RAB38: variants seen among roughly 807,000 people sequenced by gnomAD.
The protein encoded by RAB38 is ras-related protein Rab-38.
A neutral mutation model predicts 18.4 loss-of-function variants in RAB38; 15 were observed. That is an observed-to-expected ratio of 0.82 (90% confidence interval 0.55 to 1.26). The LOEUF is 1.26. Among genes scored for constraint, RAB38 ranks in the 50% most tolerant of loss-of-function variants. The pLI is 0.00. For synonymous variants in RAB38, 101 were observed against 104.4 expected (o/e 0.97, Z 0.20); for missense variants, 294 against 267.4 (o/e 1.10, Z -0.69).
chr11:87,872,231 C>T, the RAB38 span, among the ~76,000 whole-genome samples: 5 of 151,464 alleles, frequency 3.3e-5, no homozygotes, highest in East Asian at 2.0e-4. Context: ...TACCCTTTTC[C>T]GTTTCCCATG....
chr11:87,821,304 A>G, the RAB38 span, among the ~76,000 whole-genome samples: 1 of 152,342 alleles, frequency 6.6e-6, no homozygotes, highest in African/African-American at 2.4e-5. Flanking sequence ...TGCTAGAATA[A>G]TATGTTCAAT....
At chr11:88,065,235 G>A in the RAB38 span, among the ~76,000 whole-genome samples, 1 of 152,142 alleles carries the variant, frequency 6.6e-6, no homozygotes, top group Non-Finnish European at 1.5e-5. Flanking sequence ...CCACAATAAC[G>A]AGCTTTGTAA....
chr11:88,072,249 G>T, the RAB38 span, among the ~76,000 whole-genome samples: 1 of 152,156 alleles, frequency 6.6e-6, no homozygotes, highest in East Asian at 1.9e-4. Context: ...AATAATAAAC[G>T]CAATACCAAG....
At chr11:88,043,966 T>A in the RAB38 span, among the ~76,000 whole-genome samples, 1 of 152,192 alleles carries the variant, frequency 6.6e-6, no homozygotes, top group Non-Finnish European at 1.5e-5. Context: ...AACCTTTTTT[T>A]TACTCTCTTC....
chr11:87,919,164 C>G, the RAB38 span, among the ~76,000 whole-genome samples: 2 of 151,976 alleles, frequency 1.3e-5, no homozygotes, highest in African/African-American at 4.8e-5. Context: ...AATGAAGTAG[C>G]TGTAAATGTG....
the RAB38 span, among the ~76,000 whole-genome samples, chr11:88,013,420 C>T: frequency 1.3e-5 from 2 of 152,136 alleles, no homozygotes; most frequent in Non-Finnish European, 2.9e-5. Flanking sequence ...AAGGATGTGA[C>T]TTCATGATTG....
the RAB38 span, among the ~76,000 whole-genome samples, chr11:87,863,619 T>G: frequency 6.6e-6 from 1 of 151,800 alleles, no homozygotes; most frequent in Non-Finnish European, 1.5e-5. Context: ...AATAAAAACC[T>G]GGAGACCTAA....
chr11:88,147,102 A>G (rs1428038210), intron 2 of RAB38, among the ~76,000 whole-genome samples: 1 of 152,226 alleles, frequency 6.6e-6, no homozygotes, highest in Non-Finnish European at 1.5e-5. Flanking sequence ...GCTTCCCCAC[A>G]GATTCATAGG....
the RAB38 span, among the ~76,000 whole-genome samples, chr11:88,093,174 T>G: frequency 7.9e-5 from 12 of 152,044 alleles, no homozygotes; most frequent in African/African-American, 2.6e-4. Context: ...CGTGTGTCCA[T>G]ATGGCCAGAG....
the RAB38 span, among the ~76,000 whole-genome samples, chr11:87,859,684 A>G: frequency 1.5e-4 from 23 of 152,214 alleles, no homozygotes; most frequent in African/African-American, 5.1e-4. Context: ...GGCTCGCATC[A>G]TTGTAAAGTC....
chr11:88,034,024 G>A, the RAB38 span, among the ~76,000 whole-genome samples: 1 of 152,126 alleles, frequency 6.6e-6, no homozygotes, highest in African/African-American at 2.4e-5. Flanking sequence ...ACCGCGCCCT[G>A]CAGTTGTGTT....
At chr11:87,967,640 A>C in the RAB38 span, among the ~76,000 whole-genome samples, 22,689 of 152,106 alleles carry the variant, frequency 0.15, 1,804 homozygotes, top group Non-Finnish European at 0.17. Flanking sequence ...CTCCACTTCC[A>C]GTGTTTCCTT....
At chr11:88,031,676 T>C in the RAB38 span, among the ~76,000 whole-genome samples, 3 of 150,984 alleles carry the variant, frequency 2.0e-5, no homozygotes, top group East Asian at 2.0e-4. Context: ...TTACAAGGGA[T>C]GTGAAGGACC....
the RAB38 span, among the ~76,000 whole-genome samples, chr11:88,098,381 A>T: frequency 6.6e-6 from 1 of 151,982 alleles, no homozygotes; most frequent in African/African-American, 2.4e-5. Context: ...TCTATATTGC[A>T]GGTTTGCTAT....
At chr11:87,949,145 C>T in the RAB38 span, among the ~76,000 whole-genome samples, 2 of 152,126 alleles carry the variant, frequency 1.3e-5, no homozygotes, top group South Asian at 4.1e-4. Flanking sequence ...AGAATTTATC[C>T]ATTTCTTCTA....
At chr11:88,076,977 AAAG>A in the RAB38 span, among the ~76,000 whole-genome samples, 285 of 72,470 alleles carry the variant, frequency 3.9e-3, 5 homozygotes, top group African/African-American at 0.012. Flanking sequence ...AAAAAAAAAG[AAAG>A]AAAGAAAGAA....
chr11:88,170,297 G>A (rs1231953944), intron 1 of RAB38, among the ~76,000 whole-genome samples: 1 of 152,190 alleles, frequency 6.6e-6, no homozygotes, highest in Non-Finnish European at 1.5e-5. Flanking sequence ...AGTGGAGCAT[G>A]GCTCAGACTC....
the RAB38 span, among the ~76,000 whole-genome samples, chr11:87,977,538 C>A: frequency 6.3e-5 from 7 of 110,360 alleles, no homozygotes; most frequent in African/African-American, 1.8e-4. Flanking sequence ...ATAATTATAT[C>A]ATTATTATAT....
the RAB38 span, among the ~76,000 whole-genome samples, chr11:88,074,788 A>G: frequency 7.9e-3 from 1,210 of 152,298 alleles, 14 homozygotes; most frequent in African/African-American, 0.028. Flanking sequence ...AGAAGACTCA[A>G]TTATAAGCTG....
Sources: gnomAD v4.1 joint callset for allele counts (sites outside exome capture counted in the v4.1 genomes callset) on GRCh38, gnomAD v4.1.1 for gene constraint, MANE v1.5 for transcripts, NCBI Gene and HGNC (gene_info 2026-07-23, HGNC 2026-07-21) for gene names.